The following DAB1 variants were observed in gnomAD, a reference collection of about 807,000 sequenced individuals.
DAB1 encodes the protein DAB adaptor protein 1.
DAB1 carries 15 observed loss-of-function variants against 64.6 expected under a neutral mutation model. The ratio of observed to expected loss-of-function variants is 0.23; its 90% confidence interval spans 0.16 to 0.36. The LOEUF (loss-of-function observed/expected upper bound fraction) is 0.36, where lower values mean the gene tolerates loss of function less well. Among genes scored for constraint, DAB1 ranks in the 10% least tolerant of loss-of-function variants. The probability of loss-of-function intolerance (pLI) is 1.00; values close to 1 mark genes in which losing one functional copy is unlikely to be tolerated. For missense variants in DAB1, 596 were observed against 706.7 expected (o/e 0.84, Z 1.78); for synonymous variants, 235 against 251.9 (o/e 0.93, Z 0.64).
At chr1:57,983,998 A>T (rs1646131110) in intron 5 of DAB1, among the ~76,000 whole-genome samples, 1 of 152,032 alleles carries the variant, frequency 6.6e-6, no homozygotes, top group Non-Finnish European at 1.5e-5. Flanking sequence ...GTGCACACAC[A>T]CATTTACTAT....
At chr1:58,245,935 T>C (rs779890932) in intron 4 of DAB1, among the ~76,000 whole-genome samples, 8 of 152,178 alleles carry the variant, frequency 5.3e-5, no homozygotes, top group Non-Finnish European at 8.8e-5. Flanking sequence ...TACATGAATA[T>C]ATATTGCAAG....
rs546412480 is a variant in DAB1, at chr1:57,810,210, A to G, written n.551+73789T>C. Among the ~76,000 whole-genome samples the G allele has an allele frequency of 8.5e-4, 130 of 152,252 alleles. 1 individual carries two copies. Among genetic ancestry groups the G allele is most frequent in the African/African-American group, 3.1e-3 (129 of 41,544 alleles). On this transcript the variant is annotated intron_variant and non_coding_transcript_variant, in intron 6 of 20. Transcript: ENST00000485760. ...AGGGATTTTTCTAACACATCATCAC[A>G]TCACTTCTATGATTCAGAGCTGTAT... is the stretch of plus-strand genomic sequence containing the variant.
intron 1 of DAB1, among the ~76,000 whole-genome samples, chr1:57,330,711 C>T (rs115814383): frequency 1.3e-5 from 2 of 152,226 alleles, no homozygotes; most frequent in African/African-American, 4.8e-5. Context: ...CGGTGCCCCA[C>T]GCAGTGCCTG....
intron 1 of DAB1, among the ~76,000 whole-genome samples, chr1:57,833,300 G>C (rs1358197975): frequency 6.6e-6 from 1 of 152,060 alleles, no homozygotes; most frequent in Non-Finnish European, 1.5e-5. Flanking sequence ...TTGGAAATAG[G>C]TTCATTTATG....
At chr1:57,689,647 G>T (rs749401963) in intron 6 of DAB1, among the ~76,000 whole-genome samples, 7 of 152,046 alleles carry the variant, frequency 4.6e-5, no homozygotes, top group Non-Finnish European at 8.8e-5. Flanking sequence ...TAAACAGTAG[G>T]TACATAAATT....
At chr1:58,076,612 A>G (rs1470099122) in intron 5 of DAB1, among the ~76,000 whole-genome samples, 1 of 152,242 alleles carries the variant, frequency 6.6e-6, no homozygotes, top group Non-Finnish European at 1.5e-5. Flanking sequence ...AAGGTTTCCT[A>G]ATTAGTAAAC....
At chr1:57,855,348 T>C (rs852799) in intron 1 of DAB1, among the ~76,000 whole-genome samples, 35,771 of 152,070 alleles carry the variant, frequency 0.24, 4,981 homozygotes, top group Non-Finnish European at 0.31. Context: ...CCTGAGGACA[T>C]AGAAGTGAAC....
At chr1:58,518,845 G>C (rs777882523) in intron 2 of DAB1, among the ~76,000 whole-genome samples, 1 of 152,098 alleles carries the variant, frequency 6.6e-6, no homozygotes, top group Non-Finnish European at 1.5e-5. Flanking sequence ...TAAAAGACAC[G>C]AGCTCTAAGA....
chr1:58,099,729 A>T (rs1017269796), intron 5 of DAB1, among the ~76,000 whole-genome samples: 1 of 152,216 alleles, frequency 6.6e-6, no homozygotes, highest in African/African-American at 2.4e-5. Flanking sequence ...AATAATGCCA[A>T]TTGAGGTAGG....
At chr1:58,146,327 A>G (rs1206691377) in intron 5 of DAB1, among the ~76,000 whole-genome samples, 1 of 152,150 alleles carries the variant, frequency 6.6e-6, no homozygotes, top group Non-Finnish European at 1.5e-5. Context: ...CATCACCTCA[A>G]ATAGTTACCG....
At chr1:58,178,777 T>A (rs1253530412) in intron 4 of DAB1, among the ~76,000 whole-genome samples, 5 of 152,212 alleles carry the variant, frequency 3.3e-5, no homozygotes, top group African/African-American at 1.2e-4. Flanking sequence ...CATTCTTGTT[T>A]GTGGGCTGTA....
intron 7 of DAB1, among the ~76,000 whole-genome samples, chr1:57,619,443 C>T (rs1645829599): frequency 6.6e-6 from 1 of 152,118 alleles, no homozygotes; most frequent in Non-Finnish European, 1.5e-5. Flanking sequence ...CTCTATTGCC[C>T]ATGCTGGAAT....
chr1:57,120,056 T>A (rs1464373229), intron 4 of DAB1, among the ~76,000 whole-genome samples: 1 of 152,128 alleles, frequency 6.6e-6, no homozygotes, highest in Non-Finnish European at 1.5e-5. Flanking sequence ...GCCTCTACTT[T>A]CTCTAATTTC....
At chr1:57,659,384 C>T (rs1192244133) in intron 6 of DAB1, among the ~76,000 whole-genome samples, 3 of 152,162 alleles carry the variant, frequency 2.0e-5, no homozygotes, top group Admixed American at 1.3e-4. Context: ...TTGCATTAAA[C>T]ACAGATATTA....
At chr1:57,478,581 CCATT>C in intron 7 of DAB1, among the ~76,000 whole-genome samples, 1 of 147,422 alleles carries the variant, frequency 6.8e-6, no homozygotes, top group East Asian at 2.0e-4. Context: ...AACAATATTC[CCATT>C]CTTTTTTTTT....
intron 2 of DAB1, among the ~76,000 whole-genome samples, chr1:58,512,162 A>G (rs187037118): frequency 5.7e-4 from 87 of 152,312 alleles, no homozygotes; most frequent in Non-Finnish European, 9.9e-4. Flanking sequence ...GTTCAATATC[A>G]CTAATCATCA....
At chr1:57,805,880 G>A (rs899301652) in intron 6 of DAB1, among the ~76,000 whole-genome samples, 13 of 152,112 alleles carry the variant, frequency 8.5e-5, no homozygotes. Context: ...CTCTGCTGTT[G>A]TTACTCTGGT....
intron 2 of DAB1, among the ~76,000 whole-genome samples, chr1:57,214,064 T>G (rs762278170): frequency 6.6e-6 from 1 of 152,164 alleles, no homozygotes; most frequent in Non-Finnish European, 1.5e-5. Flanking sequence ...GTCCTTTTTG[T>G]GCTGCTAAAA....
intron 3 of DAB1, among the ~76,000 whole-genome samples, chr1:58,381,398 T>C (rs2406789): frequency 0.032 from 4,895 of 152,294 alleles, 255 homozygotes; most frequent in African/African-American, 0.11. Flanking sequence ...TACTCTATTA[T>C]GAAAAGGTCT....
Sources: allele counts gnomAD v4.1 joint callset (sites outside exome capture counted in the v4.1 genomes callset), GRCh38; gene constraint gnomAD v4.1.1; transcripts MANE v1.5; gene names NCBI Gene and HGNC (gene_info 2026-07-23, HGNC 2026-07-21).